DOCK10: variants seen among roughly 807,000 people sequenced by gnomAD.
DOCK10 encodes dedicator of cytokinesis protein 10.
A neutral mutation model predicts 280.1 loss-of-function variants in DOCK10; 145 were observed. The ratio of observed to expected loss-of-function variants is 0.52; its 90% CI spans 0.45 to 0.59. The LOEUF (loss-of-function observed/expected upper bound fraction) is 0.59, where lower values mean the gene tolerates loss of function less well. Among genes scored for constraint, DOCK10 ranks in the 20% least tolerant of loss-of-function variants. The probability of loss-of-function intolerance (pLI) is 0.00; values close to 1 mark genes in which losing one functional copy is unlikely to be tolerated. For missense variants in DOCK10, 2,368 were observed against 2,651.7 expected, an observed-to-expected ratio of 0.89 and a Z score of 2.35; for synonymous variants, 915 against 942.2, an observed-to-expected ratio of 0.97 and a Z score of 0.53.
intron 4 of DOCK10, among the ~76,000 whole-genome samples, chr2:224,891,142 C>A (rs1699638234): frequency 3.9e-5 from 6 of 152,018 alleles, no homozygotes; most frequent in Admixed American, 3.9e-4. Context: ...ACAAATACAG[C>A]AAAACATGAA....
intron 1 of DOCK10, among the ~76,000 whole-genome samples, chr2:224,995,073 C>T (rs368261616): frequency 2.0e-5 from 3 of 152,272 alleles, no homozygotes; most frequent in East Asian, 3.9e-4. Context: ...CTGACTTCCT[C>T]AGCAGGTGGG....
intron 7 of DOCK10, among the ~76,000 whole-genome samples, chr2:224,879,012 C>G (rs1574982884): frequency 6.6e-6 from 1 of 152,146 alleles, no homozygotes. Flanking sequence ...AATGTGAAAT[C>G]AGAAAACAAA....
At chr2:224,804,449 GTT>G (rs80246998) in intron 38 of DOCK10, among the ~76,000 whole-genome samples, 15 of 138,176 alleles carry the variant, frequency 1.1e-4, no homozygotes, top group Non-Finnish European at 9.7e-5. Context: ...CAGATTACTT[GTT>G]TTTTTTTTTT....
At position 224,885,939 on chromosome 2, in the gene DOCK10, C is replaced by G. The variant is rs894721161; in HGVS notation, c.612+124G>C. On this transcript the variant is annotated intron_variant, in intron 6 of 55. Transcript: ENST00000258390. ...TTTCTAGAGAAGAGCATCCTACTTC[C>G]TCATAAATAAAATATTATATGAAAC... 8.7e-6 allele frequency: 13 copies of G among 1,491,886 alleles called. No homozygotes were observed. The Admixed American group carries it at 2.9e-4, about 33-fold the overall frequency. 92.4% of individuals were successfully genotyped at this position (1,491,886 alleles called of 1,614,324 possible). A position where few individuals can be genotyped will look rare whatever the true frequency, so the allele number is the denominator to read the frequency against.
intron 2 of DOCK10, among the ~76,000 whole-genome samples, chr2:224,930,304 T>TA (rs1702276471): frequency 6.6e-6 from 1 of 151,924 alleles, no homozygotes; most frequent in Non-Finnish European, 1.5e-5. Flanking sequence ...ATGTGGAATT[T>TA]AAAAAAATGC....
At chr2:224,924,382 G>A (rs759577248) in intron 2 of DOCK10, among the ~76,000 whole-genome samples, 1 of 152,096 alleles carries the variant, frequency 6.6e-6, no homozygotes, top group East Asian at 1.9e-4. Flanking sequence ...CCAGCCCATG[G>A]CAACCACTAA....
chr2:224,973,379 G>A (rs1301782345), intron 1 of DOCK10, among the ~76,000 whole-genome samples: 2 of 152,116 alleles, frequency 1.3e-5, no homozygotes, highest in East Asian at 1.9e-4. Flanking sequence ...AGCCAGGTGG[G>A]GCCAATGTAA....
At position 224,770,266 on chromosome 2, in the gene DOCK10, A is replaced by C; in HGVS notation, c.6389T>G (p.Leu2130Arg). Residue 2130 changes from leucine (L) to arginine (R), a missense_variant, in exon 55 of 56, where the codon CTG (leucine) becomes CGG (arginine). Leu to Arg is a moderately radical substitution (Grantham distance 102). Coordinates refer to ENST00000258390, the MANE Select transcript of DOCK10 (RefSeq NM_014689.3). This position sits in a 1 kb window ranked among gnomAD's most constrained non-coding sequence, Gnocchi z 4.5. ...KEDQLEYQEE[L>R]RSHYKDMLSE... is the part of the protein sequence containing the mutation. ...GAGCATGTCCTTGTAGTGGGACCTC[A>C]GTTCTTCCTGGTACTCCAGCTGGTC... is the stretch of plus-strand genomic sequence containing the variant. The C allele has an allele frequency of 6.2e-7, 1 of 1,605,280 alleles. No individual in the cohort carries two copies. Among genetic ancestry groups the C allele is most frequent in the Non-Finnish European group, 8.5e-7 (1 of 1,175,860 alleles).
In DOCK10 at chr2:224,789,079, A is replaced by G. The variant is rs753222237; in HGVS notation, c.5403T>C (p.Asp1801=). 1 of 1,612,922 alleles carries G rather than the reference A, an allele frequency of 6.2e-7. No homozygotes were observed. The highest frequency in any genetic ancestry group is 1.7e-5 in the Admixed American group (1 of 59,968). ...GAMKEDSGMQ[D]TPYNENILVE... is the part of the protein sequence containing the mutation. Reference sequence around the variant, plus strand: ...TTGGTCTAACCTCATTGTATGGTGTATCTTGCATTCCAGAATCCTCTTTCA... The same window carrying G: ...TTGGTCTAACCTCATTGTATGGTGTGTCTTGCATTCCAGAATCCTCTTTCA... The change falls in exon 48 of 56, where the codon GAT becomes GAC. Residue 1801 remains aspartate, a synonymous_variant. Transcript: ENST00000258390.
chr2:224,814,367 G>A lies in DOCK10; in HGVS notation c.3365-3C>T. On this transcript the variant is annotated splice_region_variant and splice_polypyrimidine_tract_variant and intron_variant, in intron 30 of 55. Transcript: ENST00000258390. ...CGATTCTGAAGGTGTCAAAGGATCTGAATTTAATATAAATAAAAAGTTCAG... is the reference window on the plus strand; with the variant it reads ...CGATTCTGAAGGTGTCAAAGGATCTAAATTTAATATAAATAAAAAGTTCAG... 1.3e-6 allele frequency: 2 copies of A among 1,517,094 alleles called. No individual in the cohort carries two copies. Among genetic ancestry groups the A allele is most frequent in the Admixed American group, 2.1e-5 (1 of 46,880 alleles). The allele number at this position is 1,517,094 out of a possible 1,614,324, so 94.0% of individuals were successfully genotyped here.
intron 1 of DOCK10, among the ~76,000 whole-genome samples, chr2:225,012,297 G>A (rs528672038): frequency 3.9e-5 from 6 of 152,240 alleles, no homozygotes; most frequent in East Asian, 3.9e-4. Context: ...CCTTTCACAC[G>A]AACCAAAAGC....
chr2:224,904,617 C>A (rs1700479665), intron 3 of DOCK10, among the ~76,000 whole-genome samples: 1 of 152,116 alleles, frequency 6.6e-6, no homozygotes, highest in African/African-American at 2.4e-5. Context: ...GATCAGAAAA[C>A]AGCATTCATT....
At chr2:224,851,964 G>C (rs1696773165) in intron 18 of DOCK10, among the ~76,000 whole-genome samples, 2 of 152,222 alleles carry the variant, frequency 1.3e-5, no homozygotes, top group South Asian at 4.1e-4. Flanking sequence ...TCCATAATGT[G>C]AGCATCCCAC....
rs1163129770 is a variant in DOCK10, at chr2:224,970,560, A to G, written c.124-38892T>C. 1.3e-5 allele frequency among the ~76,000 whole-genome samples: 2 copies of G among 152,244 alleles called. No homozygotes were observed. The highest frequency in any genetic ancestry group is 2.9e-5 in the Non-Finnish European group (2 of 68,034). On this transcript the variant is annotated intron_variant, in intron 1 of 55. Transcript: ENST00000258390. This position sits in a 1 kb window ranked among gnomAD's most constrained non-coding sequence, Gnocchi z 4.6. ...ATGTCTGTTCCCAAAATAGAATTCT[A>G]TAAACCCTTCAATCCGAAGAGATTA...
At chr2:224,794,081 G>T (rs1228831220) in intron 45 of DOCK10, among the ~76,000 whole-genome samples, 1 of 152,198 alleles carries the variant, frequency 6.6e-6, no homozygotes, top group African/African-American at 2.4e-5. Context: ...TTCCTTTTGA[G>T]GTTTTATGGA....
chr2:224,894,906 G>A (rs914956114), intron 4 of DOCK10, among the ~76,000 whole-genome samples: 26 of 152,096 alleles, frequency 1.7e-4, no homozygotes, highest in Non-Finnish European at 3.5e-4. Flanking sequence ...ACCCCTGGTT[G>A]AAATTTCCAA....
At chr2:224,787,917 T>C (rs1010817707) in intron 48 of DOCK10, among the ~76,000 whole-genome samples, 2 of 152,144 alleles carry the variant, frequency 1.3e-5, no homozygotes, top group Middle Eastern at 3.2e-3. Flanking sequence ...ACCTTGGCCA[T>C]ACCATATACC....
intron 1 of DOCK10, among the ~76,000 whole-genome samples, chr2:225,002,962 G>A (rs745695354): frequency 3.9e-5 from 6 of 152,256 alleles, no homozygotes; most frequent in Middle Eastern, 3.2e-3. Flanking sequence ...AGCAAGAACC[G>A]AGAAATGACC....
intron 1 of DOCK10, among the ~76,000 whole-genome samples, chr2:224,961,410 T>TTCTC (rs142894725): frequency 1.5e-5 from 1 of 68,654 alleles, no homozygotes; most frequent in Non-Finnish European, 3.1e-5. Flanking sequence ...CTTTCTTTCT[T>TTCTC]TCTCTTTCTT....
Sources: allele counts gnomAD v4.1 joint callset (sites outside exome capture counted in the v4.1 genomes callset), GRCh38; gene constraint gnomAD v4.1.1; non-coding constraint Gnocchi (gnomAD v3.1); transcripts MANE v1.5; gene names NCBI Gene and HGNC (gene_info 2026-07-23, HGNC 2026-07-21).